ATRNL1: variants seen among roughly 807,000 people sequenced by gnomAD.
ATRNL1 encodes attractin-like protein 1.
ATRNL1 carries 95 observed loss-of-function variants against 182.7 expected under a neutral mutation model. That is an observed-to-expected ratio of 0.52 (90% CI 0.44 to 0.62). The LOEUF is 0.62. Among genes scored for constraint, ATRNL1 ranks in the 20% least tolerant of loss-of-function variants. ATRNL1 has a pLI of 0.00. For synonymous variants in ATRNL1, 576 were observed against 568.3 expected (o/e 1.01, Z -0.19); for missense variants, 1,471 against 1,679.5 (o/e 0.88, Z 2.17).
intron 8 of ATRNL1, among the ~76,000 whole-genome samples, chr10:115,202,917 A>G (rs1554892830): frequency 1.3e-5 from 2 of 149,886 alleles, no homozygotes; most frequent in African/African-American, 4.9e-5. Context: ...AGAGCCTGTT[A>G]TTGGTCTATT....
intron 27 of ATRNL1, among the ~76,000 whole-genome samples, chr10:115,763,589 C>T (rs575930046): frequency 3.4e-4 from 52 of 151,984 alleles, no homozygotes; most frequent in South Asian, 1.7e-3. Context: ...GAAGGGGAGT[C>T]GGGGATGGGC....
intron 19 of ATRNL1, among the ~76,000 whole-genome samples, chr10:115,386,967 CG>C (rs1222689159): frequency 6.6e-6 from 1 of 151,664 alleles, no homozygotes; most frequent in Non-Finnish European, 1.5e-5. Flanking sequence ...CACATGCACA[CG>C]TATGTTTATT....
chr10:115,487,270 C>A (rs1849072067), intron 24 of ATRNL1, among the ~76,000 whole-genome samples: 2 of 151,912 alleles, frequency 1.3e-5, no homozygotes, highest in Admixed American at 1.3e-4. Context: ...TTTTCCAGTT[C>A]TGTGAAGAAA....
chr10:115,341,273 C>T (rs570802043), intron 19 of ATRNL1, among the ~76,000 whole-genome samples: 1 of 152,176 alleles, frequency 6.6e-6, no homozygotes, highest in East Asian at 1.9e-4. Flanking sequence ...TCTTCATTGA[C>T]CCTCTGGTCA....
intron 26 of ATRNL1, among the ~76,000 whole-genome samples, chr10:115,652,127 T>G (rs1368010287): frequency 1.3e-5 from 2 of 152,204 alleles, no homozygotes; most frequent in East Asian, 3.9e-4. Context: ...ATTTATGCAG[T>G]TTTAATTTTT....
intron 26 of ATRNL1, among the ~76,000 whole-genome samples, chr10:115,638,228 G>A (rs528573700): frequency 2.0e-4 from 30 of 152,136 alleles, no homozygotes; most frequent in South Asian, 2.1e-4. Flanking sequence ...GACACTTACC[G>A]TAGTATTACA....
intron 20 of ATRNL1, among the ~76,000 whole-genome samples, chr10:115,417,301 C>G (rs920263323): frequency 6.6e-6 from 1 of 152,136 alleles, no homozygotes; most frequent in Non-Finnish European, 1.5e-5. Flanking sequence ...TCCTGTGGCT[C>G]GACTCCAGCC....
At chr10:115,474,692 A>G (rs1178819110) in intron 24 of ATRNL1, among the ~76,000 whole-genome samples, 2 of 151,446 alleles carry the variant, frequency 1.3e-5, no homozygotes, top group African/African-American at 4.8e-5. Flanking sequence ...TCCACTAAGT[A>G]AAATCAAGTG....
At chr10:115,335,222 T>C (rs1554936341) in intron 19 of ATRNL1, among the ~76,000 whole-genome samples, 2 of 152,210 alleles carry the variant, frequency 1.3e-5, no homozygotes, top group Admixed American at 6.6e-5. Context: ...TATCTCTAGA[T>C]TGGAACTTGT....
chr10:115,864,605 C>T (rs1289606807), intron 28 of ATRNL1, among the ~76,000 whole-genome samples: 1 of 152,174 alleles, frequency 6.6e-6, no homozygotes, highest in Non-Finnish European at 1.5e-5. Context: ...ATATAGAAAT[C>T]ATATGCCTGC....
At position 115,916,193 on chromosome 10, in the gene ATRNL1, C is replaced by T. The variant is rs567361910; in HGVS notation, c.4019-28465C>T. Among the ~76,000 whole-genome samples the T allele has an allele frequency of 3.9e-5, 6 of 152,362 alleles. No homozygotes were observed. In the East Asian group the frequency reaches 1.2e-3, roughly 29 times the overall value. On this transcript the variant is annotated intron_variant, in intron 28 of 28. Transcript: ENST00000355044. ...TTCCCTAAAATTGCAGCATCATACT[C>T]ATGCACCACATATTGGATTGTGACT...
At chr10:115,181,747 G>A (rs1429575369) in intron 8 of ATRNL1, among the ~76,000 whole-genome samples, 2 of 151,594 alleles carry the variant, frequency 1.3e-5, no homozygotes, top group East Asian at 3.9e-4. Flanking sequence ...TTGTATTATT[G>A]CGGTGCCCGA....
chr10:115,459,854 C>T (rs1416500677), intron 21 of ATRNL1, among the ~76,000 whole-genome samples: 1 of 152,062 alleles, frequency 6.6e-6, no homozygotes, highest in African/African-American at 2.4e-5. Flanking sequence ...CCCAGACACC[C>T]AGCTTTAAAA....
intron 26 of ATRNL1, among the ~76,000 whole-genome samples, chr10:115,658,319 G>T (rs529533585): frequency 6.6e-4 from 99 of 151,006 alleles, no homozygotes; most frequent in African/African-American, 2.3e-3. Context: ...CTATATATGA[G>T]TCTACTCATT....
At chr10:115,750,069 A>G (rs1948403888) in intron 27 of ATRNL1, among the ~76,000 whole-genome samples, 1 of 151,894 alleles carries the variant, frequency 6.6e-6, no homozygotes, top group Non-Finnish European at 1.5e-5. Flanking sequence ...TGATTTATTG[A>G]TGATCTTCAA....
At chr10:115,674,789 A>G (rs1945808786) in intron 26 of ATRNL1, among the ~76,000 whole-genome samples, 1 of 152,114 alleles carries the variant, frequency 6.6e-6, no homozygotes, top group South Asian at 2.1e-4. Context: ...TTCTAAAAAA[A>G]TGGACTGTAT....
chr10:115,567,707 T>G (rs1467481287), intron 26 of ATRNL1, among the ~76,000 whole-genome samples: 3 of 152,176 alleles, frequency 2.0e-5, no homozygotes, highest in African/African-American at 4.8e-5. Flanking sequence ...TTTGTTAAAA[T>G]GTACTTATTT....
chr10:115,484,441 TTAAA>T (rs1310558896), intron 24 of ATRNL1, among the ~76,000 whole-genome samples: 113 of 151,764 alleles, frequency 7.4e-4, no homozygotes, highest in Admixed American at 3.3e-3. Flanking sequence ...TTAATTTATC[TTAAA>T]TAAATTAAAT....
chr10:115,129,542 A>T lies in ATRNL1; in HGVS notation c.829+7A>T, dbSNP rs1554874557. ...TGCAATGATAGTTGGCAAGGTAAGC[A>T]TGTGTGGTGTGATGGCTTTTGAAAC... On this transcript the variant is annotated splice_region_variant and intron_variant, in intron 5 of 28. Transcript: ENST00000355044. 6.2e-7 allele frequency: 1 copy of T among 1,611,208 alleles called. No individual in the cohort carries two copies. Among genetic ancestry groups the T allele is most frequent in the South Asian group, 1.1e-5 (1 of 90,986 alleles).
Sources: gnomAD v4.1 joint callset for allele counts (sites outside exome capture counted in the v4.1 genomes callset) on GRCh38, gnomAD v4.1.1 for gene constraint, MANE v1.5 for transcripts, NCBI Gene and HGNC (gene_info 2026-07-23, HGNC 2026-07-21) for gene names.